ATF1: variants seen among roughly 807,000 people sequenced by gnomAD.
ATF1 encodes the protein cyclic AMP-dependent transcription factor ATF-1.
ATF1 carries 16 observed loss-of-function variants against 34.7 expected under a neutral mutation model. That is an observed-to-expected ratio of 0.46 (90% CI 0.31 to 0.70). The LOEUF is 0.70. Among genes scored for constraint, ATF1 ranks in the 30% least tolerant of loss-of-function variants. The probability of loss-of-function intolerance (pLI) is 0.05; values close to 1 mark genes in which losing one functional copy is unlikely to be tolerated. For synonymous variants in ATF1, 105 were observed against 113.1 expected, an observed-to-expected ratio of 0.93 and a Z score of 0.46; for missense variants, 255 against 321.6, an observed-to-expected ratio of 0.79 and a Z score of 1.58.
intron 2 of ATF1, among the ~76,000 whole-genome samples, chr12:50,785,742 T>G (rs561109510): frequency 1.2e-3 from 181 of 152,258 alleles, no homozygotes; most frequent in African/African-American, 4.0e-3. Context: ...TTTTGGTTGG[T>G]TCTTGGCTGG....
At chr12:50,778,202 C>T (rs1181104446) in intron 1 of ATF1, among the ~76,000 whole-genome samples, 1 of 151,088 alleles carries the variant, frequency 6.6e-6, no homozygotes, top group Non-Finnish European at 1.5e-5. Context: ...GGGCGTGAGC[C>T]ACCACACCTG....
At chr12:50,770,886 C>T (rs570896173) in intron 1 of ATF1, among the ~76,000 whole-genome samples, 1 of 152,322 alleles carries the variant, frequency 6.6e-6, no homozygotes, top group South Asian at 2.1e-4. Flanking sequence ...TGATTCTGGG[C>T]ACATTACAAT....
At position 50,780,413 on chromosome 12, in the gene ATF1, C is replaced by T. The variant is rs181605386; in HGVS notation, c.93+175C>T. Among the ~76,000 whole-genome samples, 988 of 151,458 alleles carry T rather than the reference C, an allele frequency of 6.5e-3. 10 individuals are homozygous for T. The highest frequency in any genetic ancestry group is 0.022 in the African/African-American group (904 of 41,346). On this transcript the variant is annotated intron_variant, in intron 2 of 6. Coordinates refer to ENST00000262053, the MANE Select transcript of ATF1 (RefSeq NM_005171.5). ...AGGCTGGAGTGCAGTGGCATGATCT[C>T]GGCTCACTGCAACCTCCACCTCCTG...
At chr12:50,814,501 A>C in intron 6 of ATF1, 62 bp downstream of exon 6, 5 of 1,514,366 alleles carry the variant, frequency 3.3e-6, no homozygotes, top group Non-Finnish European at 4.5e-6. Flanking sequence ...CAACATAACC[A>C]GATGTTAACT....
intron 4 of ATF1, among the ~76,000 whole-genome samples, chr12:50,810,219 C>CTTT (rs34461103): frequency 7.8e-6 from 1 of 127,436 alleles, no homozygotes; most frequent in Non-Finnish European, 1.6e-5. Context: ...ACATTCCTGG[C>CTTT]TTTTTTTTTT....
intron 1 of ATF1, among the ~76,000 whole-genome samples, chr12:50,768,669 CAAAAAT>C (rs778394753): frequency 3.9e-5 from 6 of 151,936 alleles, no homozygotes; most frequent in Non-Finnish European, 5.9e-5. Flanking sequence ...TCAGCTTAAA[CAAAAAT>C]AAACATTTAA....
chr12:50,767,419 C>T (rs1173559470), intron 1 of ATF1, among the ~76,000 whole-genome samples: 1 of 152,152 alleles, frequency 6.6e-6, no homozygotes, highest in Non-Finnish European at 1.5e-5. Context: ...ACTTGGGAGG[C>T]TGAGGCAGGA....
intron 3 of ATF1, among the ~76,000 whole-genome samples, chr12:50,806,624 G>A (rs1941622074): frequency 6.6e-6 from 1 of 152,090 alleles, no homozygotes; most frequent in Non-Finnish European, 1.5e-5. Flanking sequence ...AAATAAATGG[G>A]TGCAGCATTC....
At position 50,780,155 on chromosome 12, in the gene ATF1, T is replaced by G; in HGVS notation, c.10T>G (p.Ser4Ala). 1 of 1,612,010 alleles carries G rather than the reference T, an allele frequency of 6.2e-7. No homozygotes were observed. Among genetic ancestry groups the G allele is most frequent in the Non-Finnish European group, 8.5e-7 (1 of 1,178,454 alleles). Residue 4 changes from serine (S) to alanine (A), a missense_variant, in exon 2 of 7, where the codon TCC becomes GCC. Coordinates refer to ENST00000262053, the MANE Select transcript of ATF1 (RefSeq NM_005171.5). MED[S>A]HKSTTSETAP... is the part of the protein sequence containing the mutation. ...CCCCTTATAGTTGATTATGGAAGAT[T>G]CCCACAAGAGTACCACGTCAGAGAC... is the stretch of plus-strand genomic sequence containing the variant.
At chr12:50,809,392 AAAATTAT>A in intron 3 of ATF1, 57 bp from the exon 4 acceptor site, 2 of 1,300,824 alleles carry the variant, frequency 1.5e-6, no homozygotes, top group Non-Finnish European at 2.1e-6. Context: ...AAAAAAAAAA[AAAATTAT>A]TTTTGTGAAG....
intron 2 of ATF1, among the ~76,000 whole-genome samples, chr12:50,786,763 C>T (rs766748294): frequency 3.9e-5 from 6 of 152,096 alleles, no homozygotes; most frequent in Non-Finnish European, 5.9e-5. Flanking sequence ...CCCCTGTAAC[C>T]CAGGGACATA....
chr12:50,812,893 T>G (rs571202517), intron 4 of ATF1, among the ~76,000 whole-genome samples: 3 of 152,022 alleles, frequency 2.0e-5, no homozygotes, highest in Non-Finnish European at 2.9e-5. Context: ...AAATTAAAGT[T>G]GGGGCAGTTG....
intron 2 of ATF1, among the ~76,000 whole-genome samples, chr12:50,782,985 C>T (rs182407792): frequency 3.2e-4 from 49 of 152,178 alleles, no homozygotes; most frequent in East Asian, 3.1e-3. Context: ...CCACTGCACC[C>T]GGCTGATTTC....
intron 2 of ATF1, chr12:50,788,242 G>A: frequency 2.2e-6 from 1 of 453,220 alleles, no homozygotes; most frequent in Non-Finnish European, 4.4e-6. Flanking sequence ...GTGTGCAGTA[G>A]TGTGAACATA....
At chr12:50,793,416 G>A (rs769565431) in intron 2 of ATF1, among the ~76,000 whole-genome samples, 1 of 152,058 alleles carries the variant, frequency 6.6e-6, no homozygotes, top group African/African-American at 2.4e-5. Flanking sequence ...ACGAGGTCAG[G>A]AGTTCGAGAC....
At chr12:50,783,276 CA>C (rs1941111440) in intron 2 of ATF1, among the ~76,000 whole-genome samples, 1 of 152,066 alleles carries the variant, frequency 6.6e-6, no homozygotes, top group African/African-American at 2.4e-5. Context: ...ACCAGTGACC[CA>C]AAGGGGTTAG....
chr12:50,806,142 C>G (rs1941611755), intron 3 of ATF1, among the ~76,000 whole-genome samples: 1 of 148,908 alleles, frequency 6.7e-6, no homozygotes. Flanking sequence ...AAAAGCGAAA[C>G]TGTCTCAAAG....
intron 1 of ATF1, 62 bp from the exon 2 acceptor site, chr12:50,780,078 A>G (rs547273611): frequency 7.1e-6 from 9 of 1,269,132 alleles, no homozygotes; most frequent in African/African-American, 4.4e-5. Context: ...ATATGATTCT[A>G]TAGTATACTG....
At chr12:50,782,299 AG>A (rs1320489525) in intron 2 of ATF1, among the ~76,000 whole-genome samples, 2 of 152,040 alleles carry the variant, frequency 1.3e-5, no homozygotes, top group Admixed American at 1.3e-4. Flanking sequence ...TCTGTCGCCC[AG>A]GCTGGAGTGC....
Sources: allele counts gnomAD v4.1 joint callset (sites outside exome capture counted in the v4.1 genomes callset), GRCh38; gene constraint gnomAD v4.1.1; transcripts MANE v1.5; gene names NCBI Gene and HGNC (gene_info 2026-07-23, HGNC 2026-07-21).